Variants in BMPR1A observed in about 807,000 individuals in gnomAD.
BMPR1A encodes the protein bone morphogenetic protein receptor type 1A.
Under a neutral mutation model 66.0 loss-of-function variants are expected in BMPR1A, and 7 were observed. The observed-to-expected ratio is 0.11, with a 90% CI of 0.06 to 0.20. The LOEUF is 0.20. Among genes scored for constraint, BMPR1A ranks in the 10% least tolerant of loss-of-function variants. The pLI is 1.00. For synonymous variants in BMPR1A, 200 were observed against 229.7 expected (o/e 0.87, Z 1.17); for missense variants, 408 against 669.1 (o/e 0.61, Z 4.31).
chr10:86,759,820 C>CT (rs1458771178), intron 1 of BMPR1A, among the ~76,000 whole-genome samples: 1 of 152,146 alleles, frequency 6.6e-6, no homozygotes, highest in Admixed American at 6.5e-5. Flanking sequence ...CTGGAGAGGA[C>CT]TTTGAGTAAC....
At chr10:86,932,260 C>T (rs1843818845), downstream of BMPR1A, 1 of 152,222 alleles carries the variant, frequency 6.6e-6, no homozygotes, top group African/African-American at 2.4e-5. Context: ...TGTTCTATTA[C>T]TTAACCAATT....
At chr10:86,891,384 A>AT (rs1843148831) in intron 4 of BMPR1A, among the ~76,000 whole-genome samples, 1 of 152,162 alleles carries the variant, frequency 6.6e-6, no homozygotes, top group Admixed American at 6.6e-5. Context: ...CCCACACTTA[A>AT]CATTTTCTCC....
At chr10:86,917,030 T>C in intron 8 of BMPR1A, 104 bp from the exon 9 acceptor site, 1 of 1,237,026 alleles carries the variant, frequency 8.1e-7, no homozygotes, top group Admixed American at 1.9e-5. Context: ...TTAACTGGAG[T>C]TGGTTGGGTA....
At chr10:86,905,554 G>A (rs1843372953) in intron 7 of BMPR1A, among the ~76,000 whole-genome samples, 1 of 151,924 alleles carries the variant, frequency 6.6e-6, no homozygotes, top group South Asian at 2.1e-4. Flanking sequence ...AATTTTGAAG[G>A]GTGCCCATGG....
intron 1 of BMPR1A, among the ~76,000 whole-genome samples, chr10:86,836,572 C>T (rs745699455): frequency 6.6e-5 from 10 of 151,982 alleles, no homozygotes; most frequent in Non-Finnish European, 1.5e-4. Context: ...CCGAGGCAGG[C>T]GGATCACTTG....
Position 86,890,095 on chromosome 10 carries a change from G to C in BMPR1A, c.101G>C (p.Gly34Ala), listed in dbSNP as rs730881430. 3.1e-6 allele frequency: 5 copies of C among 1,613,560 alleles called. No individual in the cohort carries two copies. The highest frequency in any genetic ancestry group is 4.2e-6 in the Non-Finnish European group (5 of 1,179,998). ...QNLDSMLHGT[G>A]MKSDSDQKKS... ...CTGGATAGTATGCTTCATGGCACTG[G>C]GATGAAATCAGACTCCGACCAGAAA... Residue 34 changes from glycine to alanine, a missense_variant, in exon 4 of 13, where the codon GGG (glycine) becomes GCG (alanine). Gly to Ala is a moderately conservative substitution (Grantham distance 60). Transcript: ENST00000372037.
chr10:86,802,634 A>AT (rs1205078572), intron 1 of BMPR1A, among the ~76,000 whole-genome samples: 1 of 152,018 alleles, frequency 6.6e-6, no homozygotes, highest in East Asian at 1.9e-4. Flanking sequence ...TGAGGGAGAA[A>AT]AAAAAAAAAC....
chr10:86,802,961 G>A (rs938750111), intron 1 of BMPR1A, among the ~76,000 whole-genome samples: 9 of 142,406 alleles, frequency 6.3e-5, no homozygotes, highest in Non-Finnish European at 1.3e-4. Flanking sequence ...GCCCTATCTA[G>A]GGATCTGCAC....
At chr10:86,860,638 C>T (rs1270146278) in intron 2 of BMPR1A, among the ~76,000 whole-genome samples, 2 of 151,656 alleles carry the variant, frequency 1.3e-5, no homozygotes, top group Non-Finnish European at 2.9e-5. Flanking sequence ...AGTGTGGTGG[C>T]ATGTGCCTGT....
chr10:86,773,971 C>T (rs1056232575), intron 1 of BMPR1A, among the ~76,000 whole-genome samples: 9 of 151,816 alleles, frequency 5.9e-5, no homozygotes, highest in Admixed American at 5.2e-4. Flanking sequence ...CTGCCTCAGC[C>T]TCCTGAGTAG....
intron 1 of BMPR1A, among the ~76,000 whole-genome samples, chr10:86,767,736 T>C (rs1020692973): frequency 1.3e-5 from 2 of 149,138 alleles, no homozygotes; most frequent in African/African-American, 2.6e-5. Context: ...TTTTTCCTCC[T>C]GAACTCCCTT....
chr10:86,844,031 T>C (rs1842454619), intron 2 of BMPR1A, among the ~76,000 whole-genome samples: 2 of 152,174 alleles, frequency 1.3e-5, no homozygotes, highest in Non-Finnish European at 2.9e-5. Context: ...ATTTTGAGCC[T>C]GGATGGTGGG....
intron 2 of BMPR1A, among the ~76,000 whole-genome samples, chr10:86,863,295 G>A (rs1314800339): frequency 1.3e-5 from 2 of 152,134 alleles, no homozygotes; most frequent in Non-Finnish European, 2.9e-5. Context: ...CTTAAAAATA[G>A]CACTTATAGC....
At chr10:86,855,571 G>T in intron 2 of BMPR1A, 1 of 528,358 alleles carries the variant, frequency 1.9e-6, no homozygotes. Context: ...TTTTGAAATA[G>T]TACTTTTCAA....
rs567625366 is a variant in BMPR1A, at chr10:86,792,607, G to A, written c.-268+35688G>A. On this transcript the variant is annotated intron_variant, in intron 1 of 12. Transcript: ENST00000372037. Reference sequence around the variant, plus strand: ...GTCCAGGAGTTTGAAACCAACCAGGGCAACATAGGGAGAATCTGTCTCTAT... The same window carrying A: ...GTCCAGGAGTTTGAAACCAACCAGGACAACATAGGGAGAATCTGTCTCTAT... Among the ~76,000 whole-genome samples the A allele has an allele frequency of 1.1e-4, 16 of 152,254 alleles. 1 individual carries two copies. The South Asian group carries it at 3.3e-3, about 32-fold the overall frequency.
chr10:86,757,317 A>T (rs902839661), intron 1 of BMPR1A, among the ~76,000 whole-genome samples: 2 of 151,982 alleles, frequency 1.3e-5, no homozygotes, highest in African/African-American at 4.8e-5. Context: ...GGGGAGAACA[A>T]AATGAGTTTC....
At chr10:86,916,422 T>C (rs867671860) in intron 8 of BMPR1A, among the ~76,000 whole-genome samples, 3 of 152,218 alleles carry the variant, frequency 2.0e-5, no homozygotes, top group South Asian at 2.1e-4. Context: ...CAGTTCATGC[T>C]GCCATTATTT....
Position 86,848,223 on chromosome 10 carries a change from G to A in BMPR1A, c.-153+9244G>A, listed in dbSNP as rs534384296. On this transcript the variant is annotated intron_variant, in intron 2 of 12. Transcript: ENST00000372037. ...TGGGATTACAGGCGTGAGCCACCACGCCTGGTCCATACAGTTATTCTTGAT... is the reference window on the plus strand; with the variant it reads ...TGGGATTACAGGCGTGAGCCACCACACCTGGTCCATACAGTTATTCTTGAT... Among the ~76,000 whole-genome samples, 44 of 152,144 alleles carry A rather than the reference G, an allele frequency of 2.9e-4. No homozygotes were observed. The East Asian group carries it at 7.0e-3, about 24-fold the overall frequency.
intron 2 of BMPR1A, chr10:86,855,802 T>G (rs1035260812): frequency 1.1e-5 from 13 of 1,141,310 alleles, no homozygotes; most frequent in Non-Finnish European, 1.5e-5. Flanking sequence ...TTGGTCTGTT[T>G]CCTGGTAGAA....
Sources: allele counts gnomAD v4.1 joint callset (sites outside exome capture counted in the v4.1 genomes callset), GRCh38; gene constraint gnomAD v4.1.1; transcripts MANE v1.5; gene names NCBI Gene and HGNC (gene_info 2026-07-23, HGNC 2026-07-21).